Variants in PEPD observed in about 807,000 individuals in gnomAD.
PEPD encodes the protein xaa-Pro dipeptidase.
Under a neutral mutation model 60.7 loss-of-function variants are expected in PEPD, and 53 were observed. The ratio of observed to expected loss-of-function variants is 0.87; its 90% CI spans 0.70 to 1.10. The LOEUF (loss-of-function observed/expected upper bound fraction) is 1.10. Ranked by LOEUF, PEPD falls within the 50% of genes least tolerant of loss-of-function variation. The pLI, the probability that PEPD is intolerant of heterozygous loss-of-function variation, is 0.00. For synonymous variants in PEPD, 267 were observed against 284.1 expected (o/e 0.94, Z 0.60); for missense variants, 711 against 711.9 (o/e 1.00, Z 0.01).
intron 10 of PEPD, among the ~76,000 whole-genome samples, chr19:33,412,047 T>C (rs970522766): frequency 5.3e-5 from 8 of 152,188 alleles, no homozygotes; most frequent in African/African-American, 1.9e-4. Context: ...GGAACACATG[T>C]AAAACTTAGC....
At chr19:33,408,597 C>T (rs973614507) in intron 11 of PEPD, among the ~76,000 whole-genome samples, 4 of 152,302 alleles carry the variant, frequency 2.6e-5, no homozygotes, top group African/African-American at 9.6e-5. Flanking sequence ...CTGCCCTGGA[C>T]CAGCTCTGAT....
chr19:33,397,879 G>A (rs933398476), intron 12 of PEPD, among the ~76,000 whole-genome samples: 1 of 152,194 alleles, frequency 6.6e-6, no homozygotes, highest in Non-Finnish European at 1.5e-5. Flanking sequence ...GTGCCACATG[G>A]GGCCTGGGGA....
At chr19:33,419,123 G>C (rs1968955566) in intron 9 of PEPD, among the ~76,000 whole-genome samples, 2 of 152,282 alleles carry the variant, frequency 1.3e-5, no homozygotes, top group African/African-American at 2.4e-5. Context: ...CTTCCCACCA[G>C]GGCTTCCAGA....
At chr19:33,401,641 G>C in intron 12 of PEPD, 80 bp downstream of exon 12, 1 of 1,330,992 alleles carries the variant, frequency 7.5e-7, no homozygotes, top group Non-Finnish European at 1.1e-6. Flanking sequence ...ATGCAGACCC[G>C]TTCCCTGCAG....
intron 4 of PEPD, among the ~76,000 whole-genome samples, chr19:33,499,707 G>A (rs1459772485): frequency 1.3e-5 from 2 of 152,226 alleles, no homozygotes; most frequent in African/African-American, 4.8e-5. Flanking sequence ...TACAAGGCTG[G>A]TGCAAGGCCT....
chr19:33,478,727 A>G (rs1188905415), intron 6 of PEPD, among the ~76,000 whole-genome samples: 1 of 152,184 alleles, frequency 6.6e-6, no homozygotes, highest in Non-Finnish European at 1.5e-5. Flanking sequence ...CAGCAAAGCC[A>G]TTATTAATAA....
At chr19:33,394,117 C>T (rs967002044) in intron 12 of PEPD, among the ~76,000 whole-genome samples, 1 of 152,342 alleles carries the variant, frequency 6.6e-6, no homozygotes, top group Admixed American at 6.5e-5. Flanking sequence ...GTGAGTGCCC[C>T]TCAGGTCTCC....
intron 11 of PEPD, among the ~76,000 whole-genome samples, 172 bp from the exon 12 acceptor site, chr19:33,402,041 C>T (rs1042218306): frequency 3.9e-5 from 6 of 152,104 alleles, no homozygotes; most frequent in Admixed American, 2.0e-4. Flanking sequence ...CCCACGGGTG[C>T]GTGGGCAGCA....
intron 3 of PEPD, among the ~76,000 whole-genome samples, chr19:33,508,186 T>G (rs1167866032): frequency 1.3e-5 from 2 of 152,074 alleles, no homozygotes; most frequent in African/African-American, 2.4e-5. Context: ...GTGGGACATG[T>G]CAACAGGCTC....
intron 6 of PEPD, among the ~76,000 whole-genome samples, chr19:33,488,104 A>G (rs1271467116): frequency 1.3e-5 from 2 of 152,052 alleles, no homozygotes; most frequent in Admixed American, 6.5e-5. Context: ...CTAGAGGAGG[A>G]GCAAGCAAAG....
chr19:33,513,563 C>G lies in PEPD; in HGVS notation c.18-787G>C, dbSNP rs138379830. ...TCCCCATGTCCCGTCTGGACAACTG[C>G]AGGCAACTCTCAACGGTGCTCTTGG... On this transcript the variant is annotated intron_variant, in intron 1 of 14. Transcript: ENST00000244137. 1.9e-4 allele frequency among the ~76,000 whole-genome samples: 29 copies of G among 152,328 alleles called. No individual in the cohort carries two copies. In the East Asian group the frequency reaches 5.6e-3, roughly 29 times the overall value.
At chr19:33,470,803 T>C (rs923622695) in intron 7 of PEPD, among the ~76,000 whole-genome samples, 2 of 152,112 alleles carry the variant, frequency 1.3e-5, no homozygotes, top group African/African-American at 2.4e-5. Flanking sequence ...CATGGCAGCA[T>C]GGGATGTTGC....
Position 33,463,973 on chromosome 19 carries a change from G to T in PEPD, c.624+14C>A. On this transcript the variant is annotated intron_variant, in intron 8 of 14. Transcript: ENST00000244137. ...CTGCTTTCCCCACTCAACCAGAGCC[G>T]GTGCCTGACTTACCTCACGGTGGGC... is the stretch of plus-strand genomic sequence containing the variant. 1 of 1,580,484 alleles carries T rather than the reference G, an allele frequency of 6.3e-7. No individual in the cohort carries two copies. Among genetic ancestry groups the T allele is most frequent in the Admixed American group, 1.7e-5 (1 of 59,256 alleles).
chr19:33,490,136 G>A, intron 5 of PEPD, 79 bp from the exon 6 acceptor site: 1 of 976,272 alleles, frequency 1.0e-6, no homozygotes. Flanking sequence ...CCTCCAGCTA[G>A]GCTCAGGACA....
At chr19:33,475,204 G>A (rs1004200186) in intron 7 of PEPD, among the ~76,000 whole-genome samples, 5 of 152,006 alleles carry the variant, frequency 3.3e-5, no homozygotes, top group African/African-American at 9.7e-5. Context: ...ACATGTGCCC[G>A]AGTTGATGGT....
At chr19:33,463,241 C>T (rs1969962455) in intron 8 of PEPD, among the ~76,000 whole-genome samples, 200 bp from the exon 9 acceptor site, 1 of 152,208 alleles carries the variant, frequency 6.6e-6, no homozygotes, top group East Asian at 1.9e-4. Flanking sequence ...ATTTAAACTG[C>T]TATGAAGCAC....
chr19:33,451,466 A>G (rs1274677692), intron 9 of PEPD, among the ~76,000 whole-genome samples: 18 of 152,246 alleles, frequency 1.2e-4, no homozygotes, highest in Admixed American at 1.2e-3. Context: ...GCATACATAT[A>G]AAAGTGAGCA....
At chr19:33,437,085 G>A (rs758107257) in intron 9 of PEPD, among the ~76,000 whole-genome samples, 25 of 152,150 alleles carry the variant, frequency 1.6e-4, no homozygotes, top group Non-Finnish European at 2.8e-4. Context: ...CACGGGAGAA[G>A]CAAAACAAGT....
At chr19:33,481,338 G>C (rs1026628431) in intron 6 of PEPD, among the ~76,000 whole-genome samples, 6 of 152,144 alleles carry the variant, frequency 3.9e-5, no homozygotes, top group Non-Finnish European at 5.9e-5. Flanking sequence ...AGGCTAAGGC[G>C]GGCAGATCAC....
Sources: gnomAD v4.1 joint callset for allele counts (sites outside exome capture counted in the v4.1 genomes callset) on GRCh38, gnomAD v4.1.1 for gene constraint, MANE v1.5 for transcripts, NCBI Gene and HGNC (gene_info 2026-07-23, HGNC 2026-07-21) for gene names.